The following KCTD8 variants were observed in gnomAD, a reference collection of about 807,000 sequenced individuals.
KCTD8 encodes BTB/POZ domain-containing protein KCTD8.
Under a neutral mutation model 31.5 loss-of-function variants are expected in KCTD8, and 27 were observed. The ratio of observed to expected loss-of-function variants is 0.86; its 90% CI spans 0.63 to 1.18. The LOEUF (loss-of-function observed/expected upper bound fraction) is 1.18. Among genes scored for constraint, KCTD8 ranks in the 50% most tolerant of loss-of-function variants. The probability of loss-of-function intolerance (pLI) is 0.00; values close to 1 mark genes in which losing one functional copy is unlikely to be tolerated. For missense variants in KCTD8, 658 were observed against 647.7 expected (o/e 1.02, Z -0.17); for synonymous variants, 290 against 280.0 (o/e 1.04, Z -0.36).
chr4:44,437,847 A>G (rs570822523), intron 1 of KCTD8, among the ~76,000 whole-genome samples: 3 of 152,148 alleles, frequency 2.0e-5, no homozygotes, highest in South Asian at 2.1e-4. Context: ...GGTTAAGAAT[A>G]TAGCCCAAAG....
intron 1 of KCTD8, among the ~76,000 whole-genome samples, chr4:44,442,456 A>G (rs1721836507): frequency 6.6e-6 from 1 of 151,980 alleles, no homozygotes; most frequent in Non-Finnish European, 1.5e-5. Flanking sequence ...GCGTGGTGGC[A>G]GGTGCCTGTA....
intron 1 of KCTD8, among the ~76,000 whole-genome samples, chr4:44,335,977 C>A (rs1350272529): frequency 1.3e-5 from 2 of 150,526 alleles, no homozygotes; most frequent in Non-Finnish European, 3.0e-5. Context: ...GGTGAAACCC[C>A]GTCTCTACTA....
At chr4:44,247,490 T>C (rs1000786707) in intron 1 of KCTD8, among the ~76,000 whole-genome samples, 2 of 151,884 alleles carry the variant, frequency 1.3e-5, no homozygotes, top group Non-Finnish European at 2.9e-5. Flanking sequence ...TAACATGAGA[T>C]CTACCCTGTT....
intron 1 of KCTD8, among the ~76,000 whole-genome samples, chr4:44,230,741 T>G (rs1444915468): frequency 6.6e-6 from 1 of 152,198 alleles, no homozygotes; most frequent in Non-Finnish European, 1.5e-5. Flanking sequence ...GCTTATACCC[T>G]TGAGTGTTGT....
chr4:44,363,901 A>T, intron 1 of KCTD8, among the ~76,000 whole-genome samples: 1 of 152,288 alleles, frequency 6.6e-6, no homozygotes, highest in Non-Finnish European at 1.5e-5. Context: ...AAGAAAAATT[A>T]ATTTAAACAT....
At chr4:44,222,034 C>T (rs1233866135) in intron 1 of KCTD8, among the ~76,000 whole-genome samples, 2 of 152,076 alleles carry the variant, frequency 1.3e-5, no homozygotes, top group African/African-American at 4.8e-5. Context: ...GATAGGCACA[C>T]TAAGGAAAAT....
In KCTD8 at chr4:44,448,458, C is replaced by A; in HGVS notation, c.66G>T (p.Ser22=). 1 of 1,543,434 alleles carries A rather than the reference C, an allele frequency of 6.5e-7. No individual in the cohort carries two copies. Among genetic ancestry groups the A allele is most frequent in the Non-Finnish European group, 8.7e-7 (1 of 1,153,220 alleles). The change falls in exon 1 of 2, where the codon TCG becomes TCT. Residue 22 remains serine (S), a synonymous_variant. Transcript: ENST00000360029. This position sits in a 1 kb window ranked among gnomAD's most constrained non-coding sequence, Gnocchi z 4.1. The part of the protein sequence containing the change: ...TILPISEMVS[S]SSSPGASAAA... ...CGGCCGACGCGCCGGGCGAGCTGGACGAGGAAACCATCTCGCTAATGGGCA... is the reference window on the plus strand; with the variant it reads ...CGGCCGACGCGCCGGGCGAGCTGGAAGAGGAAACCATCTCGCTAATGGGCA...
chr4:44,188,788 T>C lies in KCTD8; in HGVS notation c.962-13538A>G, dbSNP rs541257315. Among the ~76,000 whole-genome samples the C allele has an allele frequency of 7.2e-5, 11 of 152,308 alleles. No individual in the cohort carries two copies. The East Asian group carries it at 1.7e-3, about 24-fold the overall frequency. ...GTTGGAGTGATGCAGCTACAAATCC[T>C]GGAATGTCAGCTGCCATCAGAAACA... On this transcript the variant is annotated intron_variant, in intron 1 of 1. Coordinates refer to ENST00000360029, the MANE Select transcript of KCTD8 (RefSeq NM_198353.3).
At chr4:44,387,428 AAAG>A (rs1420448642) in intron 1 of KCTD8, among the ~76,000 whole-genome samples, 3 of 152,018 alleles carry the variant, frequency 2.0e-5, no homozygotes, top group Non-Finnish European at 4.4e-5. Flanking sequence ...TCCTAAGCAA[AAAG>A]AACAAAGCTG....
intron 1 of KCTD8, among the ~76,000 whole-genome samples, chr4:44,441,372 A>C (rs944117272): frequency 6.6e-6 from 1 of 152,228 alleles, no homozygotes; most frequent in Admixed American, 6.5e-5. Flanking sequence ...AAAAATATTC[A>C]TGAATACGAT....
At chr4:44,338,567 T>C (rs1341980334) in intron 1 of KCTD8, among the ~76,000 whole-genome samples, 1 of 152,202 alleles carries the variant, frequency 6.6e-6, no homozygotes, top group Admixed American at 6.5e-5. Context: ...TTCTCTGATA[T>C]GCTCTCAGGA....
At chr4:44,272,654 G>C (rs868125132) in intron 1 of KCTD8, among the ~76,000 whole-genome samples, 42 of 152,100 alleles carry the variant, frequency 2.8e-4, no homozygotes, top group African/African-American at 9.9e-4. Flanking sequence ...TGGTAACAGA[G>C]GTTATTGAAT....
chr4:44,382,196 C>T (rs937113994), intron 1 of KCTD8, among the ~76,000 whole-genome samples: 4 of 151,974 alleles, frequency 2.6e-5, no homozygotes, highest in Admixed American at 1.3e-4. Flanking sequence ...AATCAATAAA[C>T]ATCAGATTTG....
intron 1 of KCTD8, among the ~76,000 whole-genome samples, chr4:44,291,214 A>G (rs1373753907): frequency 3.3e-5 from 5 of 152,154 alleles, no homozygotes; most frequent in African/African-American, 1.2e-4. Context: ...TCTAGAGGAA[A>G]TAGATACATT....
intron 1 of KCTD8, among the ~76,000 whole-genome samples, chr4:44,412,814 C>G (rs2109465038): frequency 6.6e-6 from 1 of 152,254 alleles, no homozygotes; most frequent in South Asian, 2.1e-4. Flanking sequence ...GGCATATTGT[C>G]AATTAAATTA....
intron 1 of KCTD8, among the ~76,000 whole-genome samples, chr4:44,206,408 G>A (rs1229111150): frequency 6.6e-6 from 1 of 152,146 alleles, no homozygotes; most frequent in Non-Finnish European, 1.5e-5. Flanking sequence ...CCAGCCACAT[G>A]CCCACAGCAT....
intron 1 of KCTD8, among the ~76,000 whole-genome samples, chr4:44,368,252 C>CT (rs1719693131): frequency 1.3e-5 from 2 of 152,142 alleles, no homozygotes. Context: ...TGGCACCTGC[C>CT]TGTAGTCCCA....
chr4:44,245,989 C>T (rs1051771291), intron 1 of KCTD8, among the ~76,000 whole-genome samples: 1 of 151,854 alleles, frequency 6.6e-6, no homozygotes, highest in African/African-American at 2.4e-5. Context: ...AACAAACAAG[C>T]AAGAAACAAT....
intron 1 of KCTD8, among the ~76,000 whole-genome samples, chr4:44,380,257 A>T (rs569192620): frequency 6.6e-6 from 1 of 152,030 alleles, no homozygotes; most frequent in East Asian, 1.9e-4. Flanking sequence ...CCCTAACAAC[A>T]TTATCAAATT....
Sources: gnomAD v4.1 joint callset for allele counts (sites outside exome capture counted in the v4.1 genomes callset) on GRCh38, gnomAD v4.1.1 for gene constraint, Gnocchi (gnomAD v3.1) non-coding constraint, MANE v1.5 for transcripts, NCBI Gene and HGNC (gene_info 2026-07-23, HGNC 2026-07-21) for gene names.